Variants in MED12L observed in about 807,000 individuals in gnomAD.
MED12L encodes mediator of RNA polymerase II transcription subunit 12-like protein.
In MED12L, 60 loss-of-function variants were observed where a neutral mutation model predicts 281.3. The ratio of observed to expected loss-of-function variants is 0.21; its 90% confidence interval spans 0.17 to 0.26. The LOEUF is 0.26. Among genes scored for constraint, MED12L ranks in the 10% least tolerant of loss-of-function variants. MED12L has a pLI of 1.00. For synonymous variants in MED12L, 974 were observed against 987.2 expected (o/e 0.99, Z 0.25); for missense variants, 2,146 against 2,680.9 (o/e 0.80, Z 4.41).
At chr3:151,247,060 A>G (rs1017443379) in intron 16 of MED12L, among the ~76,000 whole-genome samples, 9 of 152,184 alleles carry the variant, frequency 5.9e-5, no homozygotes, top group Admixed American at 3.3e-4. Flanking sequence ...AAACCACAAG[A>G]AGATACCATC....
chr3:151,105,214 C>T (rs1721856851), intron 2 of MED12L, among the ~76,000 whole-genome samples: 1 of 152,156 alleles, frequency 6.6e-6, no homozygotes, highest in African/African-American at 2.4e-5. Context: ...CTGCCATCTC[C>T]CTTTCTTCCT....
At chr3:151,164,146 A>T (rs1007555934) in intron 9 of MED12L, 104 bp downstream of exon 9, 1 of 1,295,568 alleles carries the variant, frequency 7.7e-7, no homozygotes, top group Non-Finnish European at 1.1e-6. Flanking sequence ...CTTGGGTGCT[A>T]TCCCAGTTTT....
chr3:151,301,061 T>G (rs1285210138), intron 16 of MED12L, among the ~76,000 whole-genome samples: 2 of 152,188 alleles, frequency 1.3e-5, no homozygotes, highest in African/African-American at 4.8e-5. Context: ...ACAGCTCCGG[T>G]ATGTGGTACA....
At chr3:151,121,797 C>A (rs1713795718) in intron 3 of MED12L, among the ~76,000 whole-genome samples, 1 of 152,086 alleles carries the variant, frequency 6.6e-6, no homozygotes, top group Admixed American at 6.5e-5. Context: ...CTCACTGCAA[C>A]CTCTGGCTCC....
At chr3:151,194,271 T>C (rs1304203729) in intron 16 of MED12L, among the ~76,000 whole-genome samples, 1 of 152,144 alleles carries the variant, frequency 6.6e-6, no homozygotes, top group East Asian at 1.9e-4. Flanking sequence ...CAGGCGTAAA[T>C]GTGTTCTAAT....
chr3:151,299,916 T>C (rs1745670043), intron 16 of MED12L: 3 of 687,154 alleles, frequency 4.4e-6, no homozygotes, highest in South Asian at 3.1e-5. Flanking sequence ...CCTGCATGTT[T>C]GCTGTTTTAT....
At chr3:151,186,750 C>T (rs550415591) in intron 12 of MED12L, among the ~76,000 whole-genome samples, 3 of 150,272 alleles carry the variant, frequency 2.0e-5, no homozygotes, top group Middle Eastern at 3.4e-3. Context: ...CTCTTTCTCA[C>T]GTCACTGTTT....
At chr3:151,294,367 A>G (rs769641930) in intron 16 of MED12L, 30 of 1,614,092 alleles carry the variant, frequency 1.9e-5, no homozygotes, top group Middle Eastern at 1.6e-4. Context: ...CTTTGCAGTA[A>G]TATAGGATTT....
At chr3:151,356,780 C>A (rs980531276) in intron 19 of MED12L, among the ~76,000 whole-genome samples, 1 of 152,116 alleles carries the variant, frequency 6.6e-6, no homozygotes, top group Admixed American at 6.6e-5. Flanking sequence ...ATTTCTTATG[C>A]ACATTTGAGT....
chr3:151,414,033 G>C (rs1442973342), intron 42 of MED12L, among the ~76,000 whole-genome samples: 1 of 152,004 alleles, frequency 6.6e-6, no homozygotes, highest in Non-Finnish European at 1.5e-5. Context: ...TGTATTTTTA[G>C]TAGAGACGGG....
chr3:151,319,530 ATTTTG>A (rs1748741686), intron 16 of MED12L, among the ~76,000 whole-genome samples: 1 of 151,024 alleles, frequency 6.6e-6, no homozygotes, highest in Admixed American at 6.6e-5. Context: ...ACTTTAAAAA[ATTTTG>A]TTTTGTTTTT....
intron 5 of MED12L, among the ~76,000 whole-genome samples, chr3:151,146,274 C>T (rs1717747635): frequency 6.6e-6 from 1 of 152,198 alleles, no homozygotes; most frequent in South Asian, 2.1e-4. Flanking sequence ...GTGACTCCCT[C>T]TGCCTTCCTG....
intron 12 of MED12L, among the ~76,000 whole-genome samples, chr3:151,187,708 T>C (rs553438890): frequency 6.6e-6 from 1 of 152,376 alleles, no homozygotes; most frequent in Non-Finnish European, 1.5e-5. Context: ...CCAGAGGTTC[T>C]GAGAGATCTT....
intron 16 of MED12L, among the ~76,000 whole-genome samples, chr3:151,333,160 G>A (rs780437675): frequency 1.1e-4 from 16 of 152,168 alleles, no homozygotes; most frequent in Admixed American, 6.5e-5. Flanking sequence ...TAAGAATTTA[G>A]GTTGCTTCTG....
intron 16 of MED12L, chr3:151,199,190 G>T: frequency 6.2e-7 from 1 of 1,614,034 alleles, no homozygotes; most frequent in Non-Finnish European, 8.5e-7. Flanking sequence ...CACTGGTAAT[G>T]CCAGAGTAAG....
intron 16 of MED12L, among the ~76,000 whole-genome samples, chr3:151,195,481 A>G (rs549772791): frequency 1.3e-5 from 2 of 152,238 alleles, no homozygotes; most frequent in East Asian, 3.9e-4. Flanking sequence ...ATATGTCAAA[A>G]CTTGCCAAAG....
At chr3:151,324,522 G>A (rs1219583743) in intron 16 of MED12L, among the ~76,000 whole-genome samples, 1 of 152,172 alleles carries the variant, frequency 6.6e-6, no homozygotes, top group Non-Finnish European at 1.5e-5. Context: ...AAGAATATGG[G>A]CTTAGAAGCC....
At chr3:151,217,417 C>T (rs930159622) in intron 16 of MED12L, among the ~76,000 whole-genome samples, 1 of 152,226 alleles carries the variant, frequency 6.6e-6, no homozygotes, top group South Asian at 2.1e-4. Flanking sequence ...TGGTGATATA[C>T]ACCATTCCCC....
intron 16 of MED12L, chr3:151,337,670 A>G: frequency 1.3e-6 from 1 of 770,982 alleles, no homozygotes; most frequent in African/African-American, 1.8e-5. Context: ...GGAAAGGTAA[A>G]TGAAAATTGC....
Sources: gnomAD v4.1 joint callset for allele counts (sites outside exome capture counted in the v4.1 genomes callset) on GRCh38, gnomAD v4.1.1 for gene constraint, MANE v1.5 for transcripts, NCBI Gene and HGNC (gene_info 2026-07-23, HGNC 2026-07-21) for gene names.